Variants in CRYBG1 observed in about 807,000 individuals in gnomAD.
The protein encoded by CRYBG1 is crystallin beta-gamma domain containing 1.
Under a neutral mutation model 189.2 loss-of-function variants are expected in CRYBG1, and 139 were observed. The observed-to-expected ratio is 0.73, with a 90% CI of 0.64 to 0.85. CRYBG1 has a LOEUF of 0.85. CRYBG1 is among the 40% of genes least tolerant of loss of function. The pLI, the probability that CRYBG1 is intolerant of heterozygous loss-of-function variation, is 0.00. For synonymous variants in CRYBG1, 1,023 were observed against 1,017.1 expected, an observed-to-expected ratio of 1.01 and a Z score of -0.11; for missense variants, 2,611 against 2,675.8, an observed-to-expected ratio of 0.98 and a Z score of 0.53.
chr6:106,380,137 C>T (rs1052426467), intron 1 of CRYBG1, among the ~76,000 whole-genome samples: 3 of 152,122 alleles, frequency 2.0e-5, no homozygotes, highest in Admixed American at 2.0e-4. Context: ...AAGTTGTCAC[C>T]CCACAAGACA....
In CRYBG1 at chr6:106,512,158, G is replaced by A. The variant is rs1205378487; in HGVS notation, c.1041G>A (p.Pro347=). The change falls in exon 3 of 22, where the codon CCG becomes CCA. Residue 347 remains proline, a synonymous_variant. Transcript: ENST00000633556. ...KGASDLPGEP[P]AEGAAHTASS... ...CGTCTGATTTGCCAGGTGAGCCTCCGGCCGAGGGCGCAGCGCACACGGCCA... is the reference window on the plus strand; with the variant it reads ...CGTCTGATTTGCCAGGTGAGCCTCCAGCCGAGGGCGCAGCGCACACGGCCA... The A allele has an allele frequency of 1.3e-6, 2 of 1,534,340 alleles. No individual in the cohort carries two copies. The highest frequency in any genetic ancestry group is 2.0e-5 in the Admixed American group (1 of 50,914).
intron 1 of CRYBG1, among the ~76,000 whole-genome samples, chr6:106,361,571 G>T (rs1211097532): frequency 6.6e-6 from 1 of 152,200 alleles, no homozygotes; most frequent in Non-Finnish European, 1.5e-5. Flanking sequence ...GAAGTGGCAG[G>T]AATGGTTACC....
At chr6:106,436,667 TC>T (rs1364556777) in intron 1 of CRYBG1, among the ~76,000 whole-genome samples, 1 of 109,282 alleles carries the variant, frequency 9.2e-6, no homozygotes, top group East Asian at 4.1e-4. Flanking sequence ...TAAATGGCAT[TC>T]CATAATATGG....
rs1181164396 is a variant in CRYBG1, at chr6:106,520,693, GGAA to G, written c.3493_3495del (p.Lys1165del). On this transcript the variant is annotated inframe_deletion, in exon 4 of 22. Transcript: ENST00000633556. ...CCCAAAGTGTTTACCTTTGGTTTGG[GGAA>G]GAAGAAGGAAAGTCAGCCAGAAATG... 1.3e-5 allele frequency: 21 copies of G among 1,614,098 alleles called. 1 individual carries two copies. The highest frequency in any genetic ancestry group is 3.3e-5 in the South Asian group (3 of 91,084).
intron 2 of CRYBG1, among the ~76,000 whole-genome samples, chr6:106,505,849 C>A (rs775503934): frequency 6.6e-6 from 1 of 152,064 alleles, no homozygotes; most frequent in Non-Finnish European, 1.5e-5. Flanking sequence ...CCAGTTGACT[C>A]ATTCCCATGT....
rs1771782442 is a variant in CRYBG1, at chr6:106,451,590, T to C, written c.174-104T>C. Reference sequence around the variant, plus strand: ...TTGAAGAATGATTCATTATTTGGGCTGACTGGAAATATATTAATACATGGA... The same window carrying C: ...TTGAAGAATGATTCATTATTTGGGCCGACTGGAAATATATTAATACATGGA... On this transcript the variant is annotated intron_variant, in intron 1 of 21. Coordinates refer to ENST00000633556, the MANE Select transcript of CRYBG1 (RefSeq NM_001371242.2). The C allele has an allele frequency of 3.5e-6, 4 of 1,143,510 alleles. No individual in the cohort carries two copies. In the East Asian group the frequency reaches 8.4e-5, roughly 24 times the overall value. 70.8% of individuals were successfully genotyped at this position (1,143,510 alleles called of 1,614,324 possible).
chr6:106,551,355 T>TAAAA (rs1463403224), intron 13 of CRYBG1, among the ~76,000 whole-genome samples: 1 of 152,260 alleles, frequency 6.6e-6, no homozygotes, highest in East Asian at 1.9e-4. Flanking sequence ...CATTCTTTTT[T>TAAAA]ATGGCTGTAT....
chr6:106,444,924 A>G (rs990483154), intron 1 of CRYBG1, among the ~76,000 whole-genome samples: 3 of 152,174 alleles, frequency 2.0e-5, no homozygotes, highest in Non-Finnish European at 4.4e-5. Context: ...ATTTGAGACC[A>G]GGAGTTCAAA....
chr6:106,491,274 G>A (rs1469576750), intron 2 of CRYBG1, among the ~76,000 whole-genome samples: 1 of 152,184 alleles, frequency 6.6e-6, no homozygotes, highest in Non-Finnish European at 1.5e-5. Flanking sequence ...ACTGGAAAAT[G>A]CTGATGGAGG....
At chr6:106,472,836 G>C (rs1376615676) in intron 2 of CRYBG1, among the ~76,000 whole-genome samples, 7 of 151,552 alleles carry the variant, frequency 4.6e-5, no homozygotes, top group Non-Finnish European at 4.4e-5. Context: ...CCTGGGAGGT[G>C]GAGGCTACAG....
intron 8 of CRYBG1, among the ~76,000 whole-genome samples, chr6:106,535,555 T>C (rs1582824248): frequency 6.6e-6 from 1 of 152,170 alleles, no homozygotes; most frequent in Non-Finnish European, 1.5e-5. Flanking sequence ...CTTGAGAAAA[T>C]TCACAAAGTG....
rs374818935 is a variant in CRYBG1 at position 106,517,385 on chromosome 6, C to T, written c.1923-1746C>T. Among the ~76,000 whole-genome samples the T allele has an allele frequency of 9.5e-4, 36 of 37,962 alleles. 2 individuals are homozygous for T. Among genetic ancestry groups the T allele is most frequent in the Admixed American group, 1.8e-3 (11 of 5,960 alleles). 24.9% of individuals were successfully genotyped at this position (37,962 alleles called of 152,430 possible). A position where few individuals can be genotyped will look rare whatever the true frequency, so the allele number is the denominator to read the frequency against. On this transcript the variant is annotated intron_variant, in intron 3 of 21. Transcript: ENST00000633556. ...ACACATATATACACACACACATATA[C>T]ACACATATATATATATACACACACA...
intron 2 of CRYBG1, among the ~76,000 whole-genome samples, chr6:106,464,871 A>C (rs1012784397): frequency 6.6e-6 from 1 of 152,234 alleles, no homozygotes; most frequent in African/African-American, 2.4e-5. Context: ...ATTTGTTCAG[A>C]TATTTTACAA....
chr6:106,561,313 T>C, intron 19 of CRYBG1, 29 bp from the exon 20 acceptor site: 1 of 1,609,248 alleles, frequency 6.2e-7, no homozygotes, highest in Non-Finnish European at 8.5e-7. Flanking sequence ...ACATCTGGTA[T>C]AACAACTGCT....
intron 1 of CRYBG1, among the ~76,000 whole-genome samples, chr6:106,413,425 C>A (rs1393216696): frequency 2.6e-5 from 4 of 152,078 alleles, no homozygotes; most frequent in Non-Finnish European, 4.4e-5. Flanking sequence ...ACCTGTAATC[C>A]CAGCACTTTG....
intron 1 of CRYBG1, among the ~76,000 whole-genome samples, chr6:106,428,472 T>C (rs993892727): frequency 6.6e-6 from 1 of 152,210 alleles, no homozygotes; most frequent in Non-Finnish European, 1.5e-5. Context: ...ATGTGATATA[T>C]AGTAAAATGT....
At chr6:106,399,568 G>T (rs984349265) in intron 1 of CRYBG1, among the ~76,000 whole-genome samples, 10 of 152,066 alleles carry the variant, frequency 6.6e-5, no homozygotes, top group Admixed American at 2.0e-4. Flanking sequence ...AAGGAAACTT[G>T]CAGTATTCTC....
At position 106,512,612 on chromosome 6, in the gene CRYBG1, G is replaced by T. The variant is rs922400146; in HGVS notation, c.1495G>T (p.Glu499Ter). The change falls in exon 3 of 22, where the codon GAG becomes TAG. Residue 499 changes from glutamate to a stop codon, truncating the protein, a stop_gained. Transcript: ENST00000633556. LOFTEE classifies it high-confidence loss of function. ...CGGTACCAAAGGGCAGCTCCGAGGG[G>T]AGTCGGACCGGAGCAAACAGCCACC... ...SPGTKGQLRG[E>*]SDRSKQPPPA... The T allele has an allele frequency of 6.2e-7, 1 of 1,601,128 alleles. No homozygotes were observed. Among genetic ancestry groups the T allele is most frequent in the Non-Finnish European group, 8.5e-7 (1 of 1,174,816 alleles).
chr6:106,455,011 A>C (rs1043012786), intron 2 of CRYBG1: 1 of 152,234 alleles, frequency 6.6e-6, no homozygotes, highest in East Asian at 1.9e-4. Flanking sequence ...TCAAATTTAC[A>C]TATACAACAA....
Sources: allele counts gnomAD v4.1 joint callset (sites outside exome capture counted in the v4.1 genomes callset), GRCh38; gene constraint gnomAD v4.1.1; transcripts MANE v1.5; gene names NCBI Gene and HGNC (gene_info 2026-07-23, HGNC 2026-07-21).